The following KAT2B variants were observed in gnomAD, a reference collection of about 807,000 sequenced individuals.
The protein encoded by KAT2B is histone acetyltransferase KAT2B.
A neutral mutation model predicts 105.9 loss-of-function variants in KAT2B; 36 were observed. The observed-to-expected ratio is 0.34, with a 90% CI of 0.26 to 0.45. The LOEUF (loss-of-function observed/expected upper bound fraction) is 0.45, where lower values mean the gene tolerates loss of function less well. Among genes scored for constraint, KAT2B ranks in the 20% least tolerant of loss-of-function variants. The probability of loss-of-function intolerance (pLI) is 1.00; values close to 1 mark genes in which losing one functional copy is unlikely to be tolerated. For missense variants in KAT2B, 820 were observed against 1,021.6 expected, an observed-to-expected ratio of 0.80 and a Z score of 2.69; for synonymous variants, 397 against 377.9, an observed-to-expected ratio of 1.05 and a Z score of -0.59.
intron 13 of KAT2B, among the ~76,000 whole-genome samples, chr3:20,144,276 CTTTTTTT>C (rs761735374): frequency 5.6e-5 from 5 of 89,394 alleles, no homozygotes; most frequent in African/African-American, 8.9e-5. Flanking sequence ...CCTTGGGATT[CTTTTTTT>C]TTTTTTTTTT....
chr3:20,043,849 G>A (rs777102993), intron 1 of KAT2B, among the ~76,000 whole-genome samples: 18 of 152,112 alleles, frequency 1.2e-4, no homozygotes, highest in Non-Finnish European at 1.9e-4. Context: ...AGGACAGATT[G>A]CTCTACCTTT....
chr3:20,126,214 C>T, intron 10 of KAT2B, 101 bp downstream of exon 10: 1 of 908,728 alleles, frequency 1.1e-6, no homozygotes, highest in South Asian at 1.6e-5. Flanking sequence ...CCGAATACTA[C>T]TGCACCTGTC....
chr3:20,103,096 A>C (rs1292337348), intron 5 of KAT2B, among the ~76,000 whole-genome samples: 1 of 152,190 alleles, frequency 6.6e-6, no homozygotes, highest in Non-Finnish European at 1.5e-5. Flanking sequence ...GATTTCTTCA[A>C]AATAAGTTTT....
intron 2 of KAT2B, among the ~76,000 whole-genome samples, chr3:20,089,401 T>A (rs1449165575): frequency 2.2e-5 from 1 of 46,074 alleles, no homozygotes; most frequent in Non-Finnish European, 3.4e-5. Context: ...CTTCTTCACT[T>A]TTTTTTTTTT....
intron 7 of KAT2B, among the ~76,000 whole-genome samples, chr3:20,117,707 G>A (rs11128940): frequency 0.082 from 12,415 of 152,122 alleles, 577 homozygotes; most frequent in East Asian, 0.21. Flanking sequence ...GTGTTGAAAC[G>A]TAGATGAACG....
intron 13 of KAT2B, among the ~76,000 whole-genome samples, chr3:20,144,682 C>A (rs1369636385): frequency 1.3e-5 from 2 of 151,588 alleles, no homozygotes; most frequent in Non-Finnish European, 2.9e-5. Context: ...TCTAGATCAG[C>A]CTTGTCAAAA....
intron 17 of KAT2B, 160 bp downstream of exon 17, chr3:20,148,647 GA>G: frequency 1.7e-6 from 1 of 578,342 alleles, no homozygotes; most frequent in Non-Finnish European, 3.0e-6. Context: ...TGATGGCAGA[GA>G]AGTGGGTGGC....
At chr3:20,111,101 G>T (rs1201643364) in intron 5 of KAT2B, among the ~76,000 whole-genome samples, 1 of 152,114 alleles carries the variant, frequency 6.6e-6, no homozygotes, top group South Asian at 2.1e-4. Flanking sequence ...TCACAAAAGG[G>T]TCTTCCTCAG....
At chr3:20,085,694 A>G (rs1442790835) in intron 2 of KAT2B, among the ~76,000 whole-genome samples, 2 of 151,842 alleles carry the variant, frequency 1.3e-5, no homozygotes, top group East Asian at 3.9e-4. Context: ...TGTTTTTAGT[A>G]GAGACAGGGT....
chr3:20,131,218 G>A (rs910349021), intron 11 of KAT2B, among the ~76,000 whole-genome samples: 8 of 152,010 alleles, frequency 5.3e-5, no homozygotes, highest in African/African-American at 7.2e-5. Context: ...GTTTCATCAC[G>A]TTGGCCAGGC....
intron 1 of KAT2B, among the ~76,000 whole-genome samples, chr3:20,064,402 G>A (rs1026998495): frequency 6.6e-6 from 1 of 152,150 alleles, no homozygotes; most frequent in African/African-American, 2.4e-5. Context: ...ATATATTATT[G>A]TTAACTATAG....
intron 5 of KAT2B, among the ~76,000 whole-genome samples, chr3:20,111,253 C>G (rs1360275505): frequency 6.6e-6 from 1 of 152,132 alleles, no homozygotes; most frequent in Middle Eastern, 3.2e-3. Context: ...CCCCATTTTA[C>G]AGGTAAGGAA....
chr3:20,043,148 G>T (rs12490824), intron 1 of KAT2B, among the ~76,000 whole-genome samples: 23,807 of 152,054 alleles, frequency 0.16, 2,003 homozygotes, highest in Non-Finnish European at 0.19. Flanking sequence ...CAAGCAATTT[G>T]CCCGCCTTGC....
chr3:20,119,848 A>G, intron 8 of KAT2B, 125 bp downstream of exon 8: 1 of 1,019,160 alleles, frequency 9.8e-7, no homozygotes, highest in East Asian at 2.6e-5. Context: ...TAACAGCTAG[A>G]AATAACTTTG....
chr3:20,115,602 T>G (rs2125168988), intron 7 of KAT2B, among the ~76,000 whole-genome samples: 1 of 152,360 alleles, frequency 6.6e-6, no homozygotes, highest in East Asian at 1.9e-4. Flanking sequence ...AAAAATGATT[T>G]ATTCTTGCTT....
chr3:20,076,922 T>C (rs1698430584), intron 2 of KAT2B, among the ~76,000 whole-genome samples: 2 of 152,260 alleles, frequency 1.3e-5, no homozygotes, highest in African/African-American at 4.8e-5. Flanking sequence ...TGAAATATTC[T>C]TGAATTTGTC....
intron 2 of KAT2B, among the ~76,000 whole-genome samples, chr3:20,074,550 G>C (rs149989566): frequency 3.3e-5 from 5 of 152,308 alleles, no homozygotes; most frequent in African/African-American, 4.8e-5. Flanking sequence ...GATGTTGTTC[G>C]TAGTAGTGGT....
chr3:20,053,778 G>C (rs898062006), intron 1 of KAT2B, among the ~76,000 whole-genome samples: 2 of 151,868 alleles, frequency 1.3e-5, no homozygotes, highest in African/African-American at 2.4e-5. Context: ...TACCATTTAG[G>C]CTTATTTTTT....
chr3:20,069,986 T>G (rs530504316), intron 1 of KAT2B, among the ~76,000 whole-genome samples: 1 of 152,200 alleles, frequency 6.6e-6, no homozygotes, highest in Non-Finnish European at 1.5e-5. Flanking sequence ...AAGAGGTGGA[T>G]GGTTCATTAC....
Sources: gnomAD v4.1 joint callset for allele counts (sites outside exome capture counted in the v4.1 genomes callset) on GRCh38, gnomAD v4.1.1 for gene constraint, MANE v1.5 for transcripts, NCBI Gene and HGNC (gene_info 2026-07-23, HGNC 2026-07-21) for gene names.